Variants in ADK observed in about 807,000 individuals in gnomAD.
ADK encodes the protein N6,N6-dimethyladenosine kinase.
ADK carries 24 observed loss-of-function variants against 44.7 expected under a neutral mutation model. The ratio of observed to expected loss-of-function variants is 0.54; its 90% confidence interval spans 0.39 to 0.76. The LOEUF is 0.76. Among genes scored for constraint, ADK ranks in the 30% least tolerant of loss-of-function variants. The pLI, the probability that ADK is intolerant of heterozygous loss-of-function variation, is 0.00. For synonymous variants in ADK, 128 were observed against 142.6 expected (o/e 0.90, Z 0.73); for missense variants, 321 against 425.1 (o/e 0.76, Z 2.15).
intron 1 of ADK, chr10:74,176,544 G>A (rs935649537): frequency 7.8e-7 from 1 of 1,284,448 alleles, no homozygotes; most frequent in Non-Finnish European, 9.9e-7. Context: ...CGGGGTGACG[G>A]GACGCTGTTA....
At chr10:74,161,909 C>G (rs931076116) in intron 1 of ADK, among the ~76,000 whole-genome samples, 3 of 152,114 alleles carry the variant, frequency 2.0e-5, no homozygotes, top group Non-Finnish European at 4.4e-5. Flanking sequence ...AACAGGGTCT[C>G]ACTCTATTGC....
At chr10:74,299,531 T>TATAA (rs1221720573) in intron 3 of ADK, among the ~76,000 whole-genome samples, 54 of 146,364 alleles carry the variant, frequency 3.7e-4, no homozygotes, top group Non-Finnish European at 7.5e-4. Context: ...TATATATATA[T>TATAA]AAAATATATT....
chr10:74,201,676 GTATCTATCTATCTATCTATCTATCTATC>G (rs58785624), intron 2 of ADK, among the ~76,000 whole-genome samples: 26 of 117,542 alleles, frequency 2.2e-4, no homozygotes, highest in East Asian at 1.3e-3. Flanking sequence ...ATGTATGTAT[GTATCTATCTATCTATCTATCTATCTATC>G]TATCTATCTA....
intron 1 of ADK, among the ~76,000 whole-genome samples, chr10:74,198,227 T>G (rs1843236410): frequency 6.6e-6 from 1 of 152,218 alleles, no homozygotes; most frequent in Non-Finnish European, 1.5e-5. Flanking sequence ...ACTGTATTTG[T>G]CTGTTGATCC....
At chr10:74,462,641 G>A (rs915572982) in intron 6 of ADK, among the ~76,000 whole-genome samples, 1 of 152,134 alleles carries the variant, frequency 6.6e-6, no homozygotes, top group Non-Finnish European at 1.5e-5. Context: ...GAACAAGATA[G>A]TCTCTTGGCA....
chr10:74,522,790 T>C lies in ADK; in HGVS notation c.556-2466T>C, dbSNP rs528910018. ...ATTTCTTCCATTTATAAGCCAGTTCTTCTCCCCTTCTAGTTTCCAGTGCTC... is the reference window on the plus strand; with the variant it reads ...ATTTCTTCCATTTATAAGCCAGTTCCTCTCCCCTTCTAGTTTCCAGTGCTC... On this transcript the variant is annotated intron_variant, in intron 6 of 10. Transcript: ENST00000539909. 2.6e-5 allele frequency among the ~76,000 whole-genome samples: 4 copies of C among 152,284 alleles called. No homozygotes were observed. The East Asian group carries it at 7.7e-4, about 29-fold the overall frequency.
rs540123812 is a variant in ADK, at chr10:74,263,568, G to A, written c.194+38977G>A. On this transcript the variant is annotated intron_variant, in intron 3 of 10. Transcript: ENST00000539909. ...GGTGGGCAGAGTCTTCCACCCAAATGGTAAAAGGGGAATACATTACAAGTA... is the reference window on the plus strand; with the variant it reads ...GGTGGGCAGAGTCTTCCACCCAAATAGTAAAAGGGGAATACATTACAAGTA... 4.6e-5 allele frequency among the ~76,000 whole-genome samples: 7 copies of A among 152,268 alleles called. No individual in the cohort carries two copies. In the East Asian group the frequency reaches 1.3e-3, roughly 29 times the overall value.
At chr10:74,549,919 A>G (rs1206850895) in intron 7 of ADK, among the ~76,000 whole-genome samples, 1 of 152,060 alleles carries the variant, frequency 6.6e-6, no homozygotes, top group African/African-American at 2.4e-5. Context: ...TGATTCTTTG[A>G]CCCTCTTAAA....
At chr10:74,189,036 G>T (rs1842870670) in intron 1 of ADK, among the ~76,000 whole-genome samples, 1 of 151,998 alleles carries the variant, frequency 6.6e-6, no homozygotes, top group African/African-American at 2.4e-5. Context: ...CCCCCAAAGT[G>T]CCACCGCTCC....
At chr10:74,285,869 A>C (rs1847143133) in intron 3 of ADK, among the ~76,000 whole-genome samples, 1 of 152,206 alleles carries the variant, frequency 6.6e-6, no homozygotes, top group South Asian at 2.1e-4. Context: ...GGTTGGGACT[A>C]TGTATTAATC....
intron 10 of ADK, among the ~76,000 whole-genome samples, chr10:74,671,223 CT>C (rs567534671): frequency 1.1e-3 from 166 of 144,498 alleles, no homozygotes; most frequent in Middle Eastern, 3.6e-3. Context: ...CATGCCCAGT[CT>C]TTTTTTTTTT....
chr10:74,561,930 T>TA (rs1194091717), intron 7 of ADK, among the ~76,000 whole-genome samples: 1 of 152,224 alleles, frequency 6.6e-6, no homozygotes, highest in Non-Finnish European at 1.5e-5. Context: ...TACCAACTAA[T>TA]ATGACGGTCT....
chr10:74,302,119 T>G (rs796896933), intron 3 of ADK, among the ~76,000 whole-genome samples: 689 of 24,918 alleles, frequency 0.028, 31 homozygotes, highest in African/African-American at 0.079. Flanking sequence ...GTTTTTTTTT[T>G]TTTTTTTTTT....
intron 8 of ADK, among the ~76,000 whole-genome samples, chr10:74,593,099 C>T (rs1851776781): frequency 6.6e-6 from 1 of 151,420 alleles, no homozygotes; most frequent in South Asian, 2.1e-4. Context: ...TTCCTGTGTT[C>T]TTCACAAATA....
At chr10:74,635,387 A>G (rs1285594230) in intron 9 of ADK, among the ~76,000 whole-genome samples, 4 of 152,230 alleles carry the variant, frequency 2.6e-5, no homozygotes, top group Non-Finnish European at 5.9e-5. Context: ...TCCTTCAGTG[A>G]TGAAGGTGAT....
intron 3 of ADK, among the ~76,000 whole-genome samples, chr10:74,229,902 G>A (rs1844689595): frequency 6.6e-6 from 1 of 152,022 alleles, no homozygotes; most frequent in Non-Finnish European, 1.5e-5. Flanking sequence ...AGCCGGATGT[G>A]GTGGTGCCTG....
chr10:74,590,913 T>C (rs1405927923), intron 8 of ADK, among the ~76,000 whole-genome samples: 2 of 152,120 alleles, frequency 1.3e-5, no homozygotes, highest in Non-Finnish European at 2.9e-5. Flanking sequence ...ACATCAGAAT[T>C]CTCCATAGAA....
chr10:74,657,992 A>G (rs1294676066), intron 9 of ADK, among the ~76,000 whole-genome samples: 2 of 152,208 alleles, frequency 1.3e-5, no homozygotes, highest in Non-Finnish European at 2.9e-5. Context: ...ATAAAAGATC[A>G]TGGCACATTT....
intron 2 of ADK, among the ~76,000 whole-genome samples, chr10:74,206,770 A>G (rs999238513): frequency 6.6e-6 from 1 of 152,042 alleles, no homozygotes; most frequent in Non-Finnish European, 1.5e-5. Context: ...ATGTTTTTGG[A>G]TCACTGTTTT....
Sources: allele counts gnomAD v4.1 joint callset (sites outside exome capture counted in the v4.1 genomes callset), GRCh38; gene constraint gnomAD v4.1.1; transcripts MANE v1.5; gene names NCBI Gene and HGNC (gene_info 2026-07-23, HGNC 2026-07-21).